Variants in ZNF343 observed in about 807,000 individuals in gnomAD.
ZNF343 encodes zinc finger protein 343.
In ZNF343, 11 loss-of-function variants were observed where a neutral mutation model predicts 13.8. The observed-to-expected ratio is 0.80, with a 90% confidence interval of 0.50 to 1.32. ZNF343 has a LOEUF of 1.32. Among genes scored for constraint, ZNF343 ranks in the 40% most tolerant of loss-of-function variants. The pLI is 0.00. For missense variants in ZNF343, 658 were observed against 714.2 expected (o/e 0.92, Z 0.90); for synonymous variants, 248 against 260.0 (o/e 0.95, Z 0.44).
chr20:2,512,061 C>G (rs78028703), upstream of ZNF343, among the ~76,000 whole-genome samples: 3,782 of 152,198 alleles, frequency 0.025, 84 homozygotes, highest in Non-Finnish European at 0.039. Flanking sequence ...GAAAATAGTT[C>G]CATTTGCAAT....
At chr20:2,490,316 T>A (rs189605471) in intron 5 of ZNF343, among the ~76,000 whole-genome samples, 32 of 152,072 alleles carry the variant, frequency 2.1e-4, no homozygotes, top group Non-Finnish European at 4.3e-4. Context: ...TACGGACCCC[T>A]GCAGCCCAGA....
upstream of ZNF343, chr20:2,524,848 C>G (rs556745990): frequency 6.6e-6 from 1 of 152,484 alleles, no homozygotes; most frequent in Non-Finnish European, 1.5e-5. Flanking sequence ...TCGAACTCCC[C>G]CTCCCAAAGT....
rs56321237 is a variant in ZNF343 at position 2,523,979 on chromosome 20, CAA to C, written c.-347+474_-347+475del. ...AGCCTGGGTGACAGAGACCCCGTCTCAAAAAAAAAAAAAAAAAAATCGAAGTG... is the reference window on the plus strand; with the variant it reads ...AGCCTGGGTGACAGAGACCCCGTCTCAAAAAAAAAAAAAAAAATCGAAGTG... On this transcript the variant is annotated intron_variant, in intron 1 of 6. Transcript: ENST00000358413. Among the ~76,000 whole-genome samples the C allele has an allele frequency of 3.6e-3, 380 of 104,250 alleles. 1 individual carries two copies. Among genetic ancestry groups the C allele is most frequent in the South Asian group, 0.018 (57 of 3,210 alleles). The allele number at this position is 104,250 out of a possible 152,430, so 68.4% of individuals were successfully genotyped here. A position where few individuals can be genotyped will look rare whatever the true frequency, so the allele number is the denominator to read the frequency against.
intron 1 of ZNF343, among the ~76,000 whole-genome samples, chr20:2,522,546 C>T (rs1325780350): frequency 6.6e-6 from 1 of 152,336 alleles, no homozygotes; most frequent in South Asian, 2.1e-4. Context: ...TCTGAGCTAA[C>T]GTACTGTGTA....
At chr20:2,511,730 C>T (rs1367615110), upstream of ZNF343, among the ~76,000 whole-genome samples, 1 of 152,222 alleles carries the variant, frequency 6.6e-6, no homozygotes, top group African/African-American at 2.4e-5. Flanking sequence ...CCTCGCCCTG[C>T]TTTCCTCCCT....
chr20:2,504,295 G>A (rs1311940725), intron 1 of ZNF343, among the ~76,000 whole-genome samples: 1 of 152,136 alleles, frequency 6.6e-6, no homozygotes, highest in Non-Finnish European at 1.5e-5. Context: ...CTCTGAAATT[G>A]AGGCAATAAT....
intron 2 of ZNF343, among the ~76,000 whole-genome samples, chr20:2,499,460 G>A (rs1409244185): frequency 1.0e-4 from 5 of 48,926 alleles, no homozygotes; most frequent in Admixed American, 2.8e-4. Context: ...GCGAGACTCC[G>A]TCTCAAAAAA....
rs145148491 is a variant in ZNF343, at chr20:2,490,497, G to T, written c.304+2202C>A. On this transcript the variant is annotated intron_variant, in intron 5 of 5. Transcript: ENST00000278772. ...AACTAGGTCATTTGTTTGTGTGTGT[G>T]TTTGTTTGTTTGTTTGCTGTTTTAT... Among the ~76,000 whole-genome samples, 279 of 150,626 alleles carry T rather than the reference G, an allele frequency of 1.9e-3. 1 individual carries two copies. Among genetic ancestry groups the T allele is most frequent in the African/African-American group, 6.5e-3 (266 of 40,744 alleles).
In ZNF343 at chr20:2,483,924, G is replaced by A. The variant is rs757241202; in HGVS notation, c.1037C>T (p.Thr346Ile). The A allele has an allele frequency of 7.4e-6, 12 of 1,614,030 alleles. No homozygotes were observed. The highest frequency in any genetic ancestry group is 1.0e-5 in the Non-Finnish European group (12 of 1,180,046). The change falls in exon 6 of 6, where the codon ACT (threonine) becomes ATT (isoleucine). Residue 346 changes from threonine (T) to isoleucine (I), a missense_variant. Coordinates refer to ENST00000278772, the MANE Select transcript of ZNF343 (RefSeq NM_024325.6). ...AACATAGGGCTTCTCCTCTGAGTGA[G>A]TCCACTGATGTCTATTGAGGATGGA... ...SKSILNRHQW[T>I]HSEEKPYVCS...
chr20:2,487,176 GTAA>G (rs2085294568), intron 5 of ZNF343, among the ~76,000 whole-genome samples: 1 of 152,128 alleles, frequency 6.6e-6, no homozygotes, highest in Admixed American at 6.5e-5. Flanking sequence ...ACACAGTTAG[GTAA>G]ATTTGTTTCT....
chr20:2,508,348 A>C lies in ZNF343; in HGVS notation c.-237+533T>G, dbSNP rs1600079172. ...GGCCTGAGACGGCCTCCCCCTAACC[A>C]CCCCGGTCACCACTCGGGACATATC... On this transcript the variant is annotated intron_variant, in intron 1 of 5. Transcript: ENST00000278772. This position sits in a 1 kb window ranked among gnomAD's most constrained non-coding sequence, Gnocchi z 4.5. 6.7e-6 allele frequency among the ~76,000 whole-genome samples: 1 copy of C among 148,358 alleles called. No homozygotes were observed. The highest frequency in any genetic ancestry group is 2.5e-5 in the African/African-American group (1 of 39,818).
chr20:2,520,354 C>A (rs1258277799), intron 1 of ZNF343, among the ~76,000 whole-genome samples: 4 of 152,066 alleles, frequency 2.6e-5, no homozygotes, highest in Admixed American at 6.5e-5. Flanking sequence ...TGCTACTAGC[C>A]AGGCGTGGTA....
chr20:2,492,663 T>C (rs776479918), intron 5 of ZNF343, 36 bp downstream of exon 5: 30 of 1,598,990 alleles, frequency 1.9e-5, no homozygotes, highest in African/African-American at 4.1e-5. Context: ...AAATCTCTAC[T>C]GAATTAATGA....
chr20:2,484,694 T>C, intron 5 of ZNF343, 38 bp from the exon 6 acceptor site: 1 of 1,548,492 alleles, frequency 6.5e-7, no homozygotes, highest in Non-Finnish European at 8.7e-7. Flanking sequence ...TAGCCATAAG[T>C]AGGGCTGCTG....
chr20:2,501,025 G>C (rs1869939494), intron 1 of ZNF343, among the ~76,000 whole-genome samples: 1 of 152,178 alleles, frequency 6.6e-6, no homozygotes, highest in Non-Finnish European at 1.5e-5. Flanking sequence ...GCCTCACCCG[G>C]GAAGTGCAAG....
At chr20:2,521,615 G>T (rs1258072957) in intron 1 of ZNF343, among the ~76,000 whole-genome samples, 1 of 152,226 alleles carries the variant, frequency 6.6e-6, no homozygotes, top group Non-Finnish European at 1.5e-5. Context: ...GACTTCTGCA[G>T]TCAGAATTGG....
intron 1 of ZNF343, among the ~76,000 whole-genome samples, chr20:2,520,887 C>T (rs1331810551): frequency 1.3e-5 from 2 of 152,196 alleles, no homozygotes; most frequent in African/African-American, 4.8e-5. Context: ...GGGGACTTCA[C>T]TTCTGGAGGG....
intron 1 of ZNF343, among the ~76,000 whole-genome samples, chr20:2,503,324 C>A (rs1223078397): frequency 6.6e-6 from 1 of 152,112 alleles, no homozygotes; most frequent in Non-Finnish European, 1.5e-5. Flanking sequence ...CCTTAGAGAC[C>A]TAGAAAGAGA....
chr20:2,487,704 C>T (rs2085302259), intron 5 of ZNF343, among the ~76,000 whole-genome samples: 1 of 152,320 alleles, frequency 6.6e-6, no homozygotes, highest in East Asian at 1.9e-4. Context: ...ATTGCCAGGT[C>T]AAAGCATATG....
Sources: gnomAD v4.1 joint callset for allele counts (sites outside exome capture counted in the v4.1 genomes callset) on GRCh38, gnomAD v4.1.1 for gene constraint, Gnocchi (gnomAD v3.1) non-coding constraint, MANE v1.5 for transcripts, NCBI Gene and HGNC (gene_info 2026-07-23, HGNC 2026-07-21) for gene names.